ACACA: variants seen among roughly 807,000 people sequenced by gnomAD.
ACACA encodes the protein acetyl-CoA carboxylase alpha.
A neutral mutation model predicts 296.1 loss-of-function variants in ACACA; 103 were observed. The ratio of observed to expected loss-of-function variants is 0.35; its 90% CI spans 0.30 to 0.41. The LOEUF (loss-of-function observed/expected upper bound fraction) is 0.41. Ranked by LOEUF, ACACA falls within the 10% of genes least tolerant of loss-of-function variation. ACACA has a pLI of 1.00. For synonymous variants in ACACA, 953 were observed against 1,038.6 expected, an observed-to-expected ratio of 0.92 and a Z score of 1.58; for missense variants, 1,554 against 2,989.7, an observed-to-expected ratio of 0.52 and a Z score of 11.20.
At chr17:37,328,930 GATTCTGATGAACA>G (rs1322999506) in intron 3 of ACACA, 1 of 398,492 alleles carries the variant, frequency 2.5e-6, no homozygotes, top group African/African-American at 2.1e-5. Flanking sequence ...TCCCCGAGGT[GATTCTGATGAACA>G]GTGAGAACCA....
At chr17:37,122,180 G>A (rs533357919) in intron 49 of ACACA, among the ~76,000 whole-genome samples, 4 of 152,248 alleles carry the variant, frequency 2.6e-5, no homozygotes, top group South Asian at 2.1e-4. Flanking sequence ...AGACTTCACC[G>A]TTAACTCTAG....
intron 16 of ACACA, among the ~76,000 whole-genome samples, chr17:37,249,226 T>G (rs934777226): frequency 3.3e-5 from 5 of 152,212 alleles, no homozygotes; most frequent in South Asian, 2.1e-4. Context: ...CTGTATTGTA[T>G]GTATATGCCA....
chr17:37,155,302 G>A (rs549560695), intron 43 of ACACA, among the ~76,000 whole-genome samples: 1 of 152,034 alleles, frequency 6.6e-6, no homozygotes, highest in South Asian at 2.1e-4. Flanking sequence ...TTAGTGAAAA[G>A]GATAAATTAT....
At chr17:37,237,045 T>A (rs184692859) in intron 24 of ACACA, among the ~76,000 whole-genome samples, 1 of 152,316 alleles carries the variant, frequency 6.6e-6, no homozygotes, top group African/African-American at 2.4e-5. Context: ...ATGTTAATTA[T>A]TCTTTTGTTT....
At chr17:37,234,192 G>A (rs539917746) in intron 25 of ACACA, among the ~76,000 whole-genome samples, 9 of 152,304 alleles carry the variant, frequency 5.9e-5, no homozygotes, top group African/African-American at 2.2e-4. Context: ...AGACAGGCAT[G>A]CAGCAGCAAG....
At chr17:37,122,475 A>G (rs1372654938) in intron 49 of ACACA, 56 bp downstream of exon 49, 2 of 1,349,974 alleles carry the variant, frequency 1.5e-6, no homozygotes, top group East Asian at 4.6e-5. Flanking sequence ...ATTCACAGGC[A>G]CTGCGAAGAG....
At chr17:37,386,189 A>G in intron 1 of ACACA, 1 of 1,108,762 alleles carries the variant, frequency 9.0e-7, no homozygotes, top group Non-Finnish European at 1.3e-6. Context: ...GGAACAGAAA[A>G]GAAACATTTT....
At chr17:37,366,846 G>C (rs2049624446) in intron 1 of ACACA, 1 of 151,986 alleles carries the variant, frequency 6.6e-6, no homozygotes. Flanking sequence ...CCAGCACTTT[G>C]GGAGGCCAAG....
chr17:37,322,074 A>G (rs1483882714), intron 3 of ACACA, among the ~76,000 whole-genome samples: 1 of 152,234 alleles, frequency 6.6e-6, no homozygotes, highest in East Asian at 1.9e-4. Context: ...TTTTCTAGTT[A>G]AATTATTCTG....
intron 3 of ACACA, among the ~76,000 whole-genome samples, chr17:37,295,419 T>G (rs1296532996): frequency 6.6e-6 from 1 of 152,108 alleles, no homozygotes; most frequent in African/African-American, 2.4e-5. Context: ...CTTGGTGTTT[T>G]GAACAAAGAA....
chr17:37,266,225 G>C (rs151312974), intron 10 of ACACA, among the ~76,000 whole-genome samples: 1 of 151,980 alleles, frequency 6.6e-6, no homozygotes, highest in Non-Finnish European at 1.5e-5. Flanking sequence ...ACCAGCCTGA[G>C]CAACATGGTG....
chr17:37,132,490 G>C (rs118089458), intron 45 of ACACA, among the ~76,000 whole-genome samples: 1 of 152,124 alleles, frequency 6.6e-6, no homozygotes, highest in African/African-American at 2.4e-5. Context: ...CTGCCTCTCT[G>C]TTAGAAGGCA....
At chr17:37,328,547 A>G (rs2047721938) in intron 3 of ACACA, 2 of 208,224 alleles carry the variant, frequency 9.6e-6, no homozygotes, top group Admixed American at 1.2e-4. Context: ...TTTGACCTCT[A>G]CATAGCTAAA....
At chr17:37,299,581 T>A in intron 3 of ACACA, 1 of 1,359,900 alleles carries the variant, frequency 7.4e-7, no homozygotes, top group Non-Finnish European at 9.5e-7. Flanking sequence ...CTCCACACAC[T>A]TAGCTTACAC....
intron 8 of ACACA, among the ~76,000 whole-genome samples, chr17:37,275,651 T>C (rs2082257253): frequency 6.6e-6 from 1 of 152,158 alleles, no homozygotes; most frequent in Non-Finnish European, 1.5e-5. Context: ...AGGAAGATTC[T>C]AGCCTACCCA....
chr17:37,266,878 A>G (rs2081805173), intron 10 of ACACA, among the ~76,000 whole-genome samples: 1 of 152,150 alleles, frequency 6.6e-6, no homozygotes, highest in South Asian at 2.1e-4. Flanking sequence ...CAATTGTTCC[A>G]TTATTACAGA....
Position 37,223,500 on chromosome 17 carries a change from A to AT in ACACA, c.3564+11dup. On this transcript the variant is annotated intron_variant, in intron 28 of 55. Coordinates refer to ENST00000616317, the MANE Select transcript of ACACA (RefSeq NM_198834.3). ...AAGGAAAAGGTCATGTCCCATTACC[A>AT]TAAATACTTACCTCCAGAGCTGCCA... The AT allele has an allele frequency of 6.3e-7, 1 of 1,583,532 alleles. No homozygotes were observed. Among genetic ancestry groups the AT allele is most frequent in the Non-Finnish European group, 8.7e-7 (1 of 1,152,212 alleles).
At chr17:37,383,267 A>T (rs2050383824) in intron 1 of ACACA, among the ~76,000 whole-genome samples, 2 of 152,134 alleles carry the variant, frequency 1.3e-5, no homozygotes, top group South Asian at 4.1e-4. Flanking sequence ...TAGCTCTTAG[A>T]AATTGGGACA....
chr17:37,398,030 A>C lies in ACACA; in HGVS notation c.38+8232T>G, dbSNP rs148826198. On this transcript the variant is annotated intron_variant, in intron 1 of 55. Coordinates refer to ENST00000616317, the MANE Select transcript of ACACA (RefSeq NM_198834.3). ...TGGATCACAAGGTCAAGAGATTGAGACCATCCTGGCTAACACTGTGAAACC... is the reference window on the plus strand; with the variant it reads ...TGGATCACAAGGTCAAGAGATTGAGCCCATCCTGGCTAACACTGTGAAACC... 5.1e-3 allele frequency among the ~76,000 whole-genome samples: 779 copies of C among 152,112 alleles called. 9 individuals carry two copies. The highest frequency in any genetic ancestry group is 0.018 in the African/African-American group (735 of 41,520).
Sources: gnomAD v4.1 joint callset for allele counts (sites outside exome capture counted in the v4.1 genomes callset) on GRCh38, gnomAD v4.1.1 for gene constraint, MANE v1.5 for transcripts, NCBI Gene and HGNC (gene_info 2026-07-23, HGNC 2026-07-21) for gene names.